FAM227B: variants seen among roughly 807,000 people sequenced by gnomAD.
The protein encoded by FAM227B is protein FAM227B.
Under a neutral mutation model 73.8 loss-of-function variants are expected in FAM227B, and 88 were observed. The observed-to-expected ratio is 1.19, with a 90% CI of 1.00 to 1.42. The LOEUF (loss-of-function observed/expected upper bound fraction) is 1.42, where lower values mean the gene tolerates loss of function less well. Ranked by LOEUF, FAM227B falls within the 40% of genes most tolerant of loss-of-function variation. The pLI is 0.00. For synonymous variants in FAM227B, 210 were observed against 190.5 expected, an observed-to-expected ratio of 1.10 and a Z score of -0.84; for missense variants, 632 against 590.9, an observed-to-expected ratio of 1.07 and a Z score of -0.72.
At chr15:49,586,204 G>C (rs2076151715) in intron 5 of FAM227B, among the ~76,000 whole-genome samples, 1 of 152,054 alleles carries the variant, frequency 6.6e-6, no homozygotes, top group African/African-American at 2.4e-5. Flanking sequence ...CAGACCAATG[G>C]AACAGAATAA....
chr15:49,452,634 TAC>T (rs912806547), intron 11 of FAM227B, among the ~76,000 whole-genome samples: 14 of 152,182 alleles, frequency 9.2e-5, no homozygotes, highest in African/African-American at 3.4e-4. Context: ...ATAATGAAGA[TAC>T]CTTAGTTTGG....
At chr15:49,417,830 T>C (rs1402539647) in intron 11 of FAM227B, among the ~76,000 whole-genome samples, 1 of 152,188 alleles carries the variant, frequency 6.6e-6, no homozygotes, top group Admixed American at 6.5e-5. Flanking sequence ...TGGGATCTAA[T>C]TAAGCTAAAG....
intron 11 of FAM227B, among the ~76,000 whole-genome samples, chr15:49,410,957 T>G (rs1301577452): frequency 2.3e-5 from 3 of 130,040 alleles, no homozygotes; most frequent in South Asian, 2.4e-4. Flanking sequence ...AAAAAGCATT[T>G]GAGAGTGTGT....
intron 9 of FAM227B, among the ~76,000 whole-genome samples, chr15:49,547,946 A>T (rs1444522255): frequency 6.6e-6 from 1 of 152,228 alleles, no homozygotes; most frequent in Admixed American, 6.5e-5. Context: ...GAAATAATGG[A>T]CATAAATTAT....
chr15:49,613,539 A>C (rs1393147181), intron 2 of FAM227B, among the ~76,000 whole-genome samples: 1 of 152,174 alleles, frequency 6.6e-6, no homozygotes, highest in African/African-American at 2.4e-5. Context: ...AGAGAGAATG[A>C]ATAAGATCTA....
At chr15:49,515,103 A>G (rs1235279536) in intron 10 of FAM227B, among the ~76,000 whole-genome samples, 1 of 152,106 alleles carries the variant, frequency 6.6e-6, no homozygotes, top group East Asian at 1.9e-4. Flanking sequence ...GATTCCAATT[A>G]CATATATGCC....
chr15:49,593,781 G>A (rs2076726328), intron 3 of FAM227B, among the ~76,000 whole-genome samples: 1 of 152,168 alleles, frequency 6.6e-6, no homozygotes, highest in African/African-American at 2.4e-5. Flanking sequence ...TCCTTTTTAT[G>A]GCTGAGTAGT....
rs142582013 is a variant in FAM227B, at chr15:49,504,143, G to A, written c.1012+4068C>T. On this transcript the variant is annotated intron_variant, in intron 11 of 15. Transcript: ENST00000299338. ...CCTTTGTAGGGACATGGATGAAGACGGAAACCATCATTCTCAGCAAACTAT... is the reference window on the plus strand; with the variant it reads ...CCTTTGTAGGGACATGGATGAAGACAGAAACCATCATTCTCAGCAAACTAT... 9.4e-4 allele frequency among the ~76,000 whole-genome samples: 143 copies of A among 152,060 alleles called. No individual in the cohort carries two copies. In the East Asian group the frequency reaches 0.019, roughly 20 times the overall value.
At chr15:49,476,212 G>GTTTTTTTTTTTTTTTTTTTTTTTTT (rs1567351529) in intron 11 of FAM227B, among the ~76,000 whole-genome samples, 3 of 81,254 alleles carry the variant, frequency 3.7e-5, no homozygotes, top group Admixed American at 1.3e-4. Flanking sequence ...TTATTTTGCT[G>GTTTTTTTTTTTTTTTTTTTTTTTTT]TTTTGTTTTT....
intron 13 of FAM227B, among the ~76,000 whole-genome samples, chr15:49,359,211 C>T (rs191357493): frequency 0.01 from 1,478 of 141,854 alleles, 18 homozygotes; most frequent in Non-Finnish European, 0.014. Flanking sequence ...CCAAAAGCAA[C>T]GGCAACAAAA....
At chr15:49,361,892 A>G (rs1010667549) in intron 13 of FAM227B, among the ~76,000 whole-genome samples, 3 of 151,992 alleles carry the variant, frequency 2.0e-5, no homozygotes, top group Admixed American at 6.6e-5. Flanking sequence ...TTTCTCTGCA[A>G]CCTCTCCAGA....
At chr15:49,515,670 T>C (rs1269887826) in intron 10 of FAM227B, among the ~76,000 whole-genome samples, 2 of 152,182 alleles carry the variant, frequency 1.3e-5, no homozygotes, top group African/African-American at 4.8e-5. Context: ...GTTTATGTTT[T>C]CTTGTTGCTA....
At chr15:49,588,122 A>G in intron 4 of FAM227B, 39 bp from the exon 5 acceptor site, 2 of 1,178,612 alleles carry the variant, frequency 1.7e-6, no homozygotes, top group Non-Finnish European at 2.3e-6. Flanking sequence ...TATATTATAC[A>G]TATGAACCTC....
At chr15:49,340,112 CCAGGGGAGTGAACTGTT>C (rs1438136062) in intron 13 of FAM227B, among the ~76,000 whole-genome samples, 1 of 152,174 alleles carries the variant, frequency 6.6e-6, no homozygotes, top group Non-Finnish European at 1.5e-5. Context: ...TGCCCCCTTT[CCAGGGGAGTGAACTGTT>C]CTGTCTCACT....
intron 9 of FAM227B, among the ~76,000 whole-genome samples, chr15:49,566,752 GA>G (rs1293058523): frequency 6.6e-6 from 1 of 152,130 alleles, no homozygotes; most frequent in Non-Finnish European, 1.5e-5. Flanking sequence ...GCAAGTCCAG[GA>G]GTCTAATCAT....
At chr15:49,385,489 T>C (rs562492351) in intron 11 of FAM227B, among the ~76,000 whole-genome samples, 2 of 151,690 alleles carry the variant, frequency 1.3e-5, no homozygotes, top group Non-Finnish European at 2.9e-5. Context: ...GTAATCAATA[T>C]TGTTATTAAT....
intron 3 of FAM227B, among the ~76,000 whole-genome samples, chr15:49,607,746 C>T (rs2077614521): frequency 6.6e-6 from 1 of 151,944 alleles, no homozygotes; most frequent in African/African-American, 2.4e-5. Flanking sequence ...GACTGGTGTC[C>T]CAAAGTCATT....
chr15:49,401,184 G>C (rs1392526678), intron 11 of FAM227B, among the ~76,000 whole-genome samples: 1 of 152,208 alleles, frequency 6.6e-6, no homozygotes, highest in African/African-American at 2.4e-5. Context: ...TCAAAAAGTG[G>C]GCGAAGGACA....
intron 9 of FAM227B, among the ~76,000 whole-genome samples, chr15:49,565,141 T>C (rs1240550677): frequency 6.6e-6 from 1 of 152,030 alleles, no homozygotes; most frequent in Non-Finnish European, 1.5e-5. Flanking sequence ...CCCAGCACTT[T>C]GGGAGGCTGA....
Sources: gnomAD v4.1 joint callset for allele counts (sites outside exome capture counted in the v4.1 genomes callset) on GRCh38, gnomAD v4.1.1 for gene constraint, MANE v1.5 for transcripts, NCBI Gene and HGNC (gene_info 2026-07-23, HGNC 2026-07-21) for gene names.